The following GPR84 variants were observed in gnomAD, a reference collection of about 807,000 sequenced individuals.
GPR84 encodes the protein G protein-coupled receptor 84.
GPR84 carries 8 observed loss-of-function variants against 14.9 expected under a neutral mutation model. The ratio of observed to expected loss-of-function variants is 0.54; its 90% CI spans 0.31 to 0.97. The LOEUF is 0.97. GPR84 is among the 50% of genes least tolerant of loss of function. GPR84 has a pLI of 0.04. For synonymous variants in GPR84, 164 were observed against 198.1 expected (o/e 0.83, Z 1.45); for missense variants, 424 against 498.7 (o/e 0.85, Z 1.43).
chr12:54,363,720 G>A lies in GPR84; in HGVS notation c.132C>T (p.Ala44=). 1 of 1,614,048 alleles carries A rather than the reference G, an allele frequency of 6.2e-7. No homozygotes were observed. The highest frequency in any genetic ancestry group is 8.5e-7 in the Non-Finnish European group (1 of 1,179,984). Residue 44 remains alanine (A), a synonymous_variant, in exon 2 of 2, where the codon GCC becomes GCT. Coordinates refer to ENST00000267015, the MANE Select transcript of GPR84 (RefSeq NM_020370.3). ...TACGGAGCTTGGGCTGGATGGCCAAGGCCAGTAGGGTGAGCACATTGCCCA... is the reference window on the plus strand; with the variant it reads ...TACGGAGCTTGGGCTGGATGGCCAAAGCCAGTAGGGTGAGCACATTGCCCA... ...GTVGNVLTLL[A]LAIQPKLRTR...
At chr12:54,361,924 C>T (rs1251814202), downstream of GPR84, among the ~76,000 whole-genome samples, 1 of 152,242 alleles carries the variant, frequency 6.6e-6, no homozygotes, top group South Asian at 2.1e-4. This position sits in a 1 kb window ranked among gnomAD's most constrained non-coding sequence, Gnocchi z 4.3. Context: ...CTTTTTCTGC[C>T]TTTGCCTTAA....
At chr12:54,360,108 G>GA (rs1279118780), downstream of GPR84, among the ~76,000 whole-genome samples, 2 of 152,080 alleles carry the variant, frequency 1.3e-5, no homozygotes, top group Non-Finnish European at 2.9e-5. Flanking sequence ...TAGAAGGTCT[G>GA]AATAGGAAGG....
downstream of GPR84, among the ~76,000 whole-genome samples, chr12:54,358,762 C>T (rs1203594381): frequency 2.0e-5 from 3 of 151,888 alleles, no homozygotes; most frequent in African/African-American, 7.3e-5. Context: ...AATTACCCAA[C>T]CCCCCATTTA....
At chr12:54,350,774 T>A in the GPR84 span, 4 of 561,920 alleles carry the variant, frequency 7.1e-6, no homozygotes, top group African/African-American at 7.5e-5. Context: ...GCACCCTCTT[T>A]CTTTCTAGAC....
chr12:54,361,107 A>C (rs1954263744), downstream of GPR84, among the ~76,000 whole-genome samples: 1 of 152,150 alleles, frequency 6.6e-6, no homozygotes, highest in African/African-American at 2.4e-5. The surrounding 1 kb of genome is among the most constrained non-coding windows in gnomAD (Gnocchi z 4.3). Context: ...TCTGGAGGGA[A>C]GGAATGGTAT....
the GPR84 span, among the ~76,000 whole-genome samples, chr12:54,352,953 C>G: frequency 1.4e-3 from 212 of 152,324 alleles, 1 homozygote; most frequent in African/African-American, 5.0e-3. Context: ...ACATCCTAAT[C>G]TTCCTACTCA....
chr12:54,359,660 T>C (rs1954249669), downstream of GPR84, among the ~76,000 whole-genome samples: 1 of 151,984 alleles, frequency 6.6e-6, no homozygotes, highest in South Asian at 2.1e-4. Context: ...CTCGTGAGCA[T>C]AAAGGGCCTC....
At chr12:54,352,186 T>C in the GPR84 span, among the ~76,000 whole-genome samples, 1 of 152,184 alleles carries the variant, frequency 6.6e-6, no homozygotes, top group African/African-American at 2.4e-5. Flanking sequence ...GGGGCTCTTC[T>C]CCAGCCCTTG....
Position 54,363,561 on chromosome 12 carries a change from C to A in GPR84, c.291G>T (p.Gly97=). The A allele has an allele frequency of 6.2e-7, 1 of 1,614,038 alleles. No homozygotes were observed. The highest frequency in any genetic ancestry group is 8.5e-7 in the Non-Finnish European group (1 of 1,179,996). The change falls in exon 2 of 2, where the codon GGG becomes GGT. Residue 97 remains glycine, a synonymous_variant. Transcript: ENST00000267015. The part of the protein sequence containing the change: ...RTGATFCRVF[G]LLLFASNSVS... ...CAGAATTGGAGGCAAAAAGGAGGAGCCCAAATACCCTGCAGAAGGTGGCAC... is the reference window on the plus strand; with the variant it reads ...CAGAATTGGAGGCAAAAAGGAGGAGACCAAATACCCTGCAGAAGGTGGCAC...
At chr12:54,355,196 A>C in the GPR84 span, among the ~76,000 whole-genome samples, 1 of 152,164 alleles carries the variant, frequency 6.6e-6, no homozygotes, top group Non-Finnish European at 1.5e-5. Flanking sequence ...GGAAGGCAAG[A>C]CTGGGAGCAG....
intron 1 of GPR84, 152 bp from the exon 2 acceptor site, chr12:54,364,011 T>A: frequency 1.9e-6 from 1 of 532,538 alleles, no homozygotes. Flanking sequence ...GGCCTCTTCA[T>A]CTCAAGATCC....
chr12:54,363,385 C>T lies in GPR84; in HGVS notation c.467G>A (p.Trp156Ter). ...VVGVASFAPLWPIYILVPVVC... is the reference protein window; with the variant it reads ...VVGVASFAPL ...TACAGGTACCAGGATATAAATAGGC[C>T]AGAGGGGAGCAAAGCTGGCCACGCC... is the stretch of plus-strand genomic sequence containing the variant. The change falls in exon 2 of 2, where the codon TGG becomes TAG. Residue 156 changes from tryptophan to a stop codon, truncating the protein, a stop_gained. Coordinates refer to ENST00000267015, the MANE Select transcript of GPR84 (RefSeq NM_020370.3). LOFTEE classifies it high-confidence loss of function. 1 of 1,614,000 alleles carries T rather than the reference C, an allele frequency of 6.2e-7. No homozygotes were observed. The highest frequency in any genetic ancestry group is 1.6e-4 in the Middle Eastern group (1 of 6,062).
At chr12:54,360,886 T>C (rs2137127877), downstream of GPR84, among the ~76,000 whole-genome samples, 1 of 152,318 alleles carries the variant, frequency 6.6e-6, no homozygotes, top group Non-Finnish European at 1.5e-5. Context: ...AAATGTCTCA[T>C]TCTTCACTTT....
At chr12:54,354,691 C>T in the GPR84 span, among the ~76,000 whole-genome samples, 4 of 151,416 alleles carry the variant, frequency 2.6e-5, no homozygotes, top group East Asian at 1.9e-4. Flanking sequence ...GTGATCCGCC[C>T]GCCTCGGCCT....
At chr12:54,359,931 T>TA (rs1491206961), downstream of GPR84, among the ~76,000 whole-genome samples, 3 of 135,570 alleles carry the variant, frequency 2.2e-5, no homozygotes, top group African/African-American at 1.0e-4. Context: ...GTCTCCTGAG[T>TA]TTTTTTTTTT....
At chr12:54,360,516 ACCTGGACC>A (rs1954258263), downstream of GPR84, among the ~76,000 whole-genome samples, 1 of 152,124 alleles carries the variant, frequency 6.6e-6, no homozygotes, top group Non-Finnish European at 1.5e-5. Context: ...CCAACAGTTT[ACCTGGACC>A]CCTGCCTTAG....
chr12:54,350,975 G>T, the GPR84 span: 1 of 189,148 alleles, frequency 5.3e-6, no homozygotes, highest in Non-Finnish European at 1.1e-5. Flanking sequence ...TAGAACGAGT[G>T]GGGGCGGGGA....
chr12:54,361,284 C>T (rs1052551097), downstream of GPR84, among the ~76,000 whole-genome samples: 5 of 152,174 alleles, frequency 3.3e-5, no homozygotes, highest in African/African-American at 9.6e-5. This position sits in a 1 kb window ranked among gnomAD's most constrained non-coding sequence, Gnocchi z 4.3. Flanking sequence ...TGGGTTCAAG[C>T]GATTCTCCCG....
downstream of GPR84, among the ~76,000 whole-genome samples, chr12:54,360,865 T>C (rs947981127): frequency 6.6e-6 from 1 of 152,092 alleles, no homozygotes; most frequent in Non-Finnish European, 1.5e-5. Context: ...CAGGAATATC[T>C]CATGAATAAT....
Sources: gnomAD v4.1 joint callset for allele counts (sites outside exome capture counted in the v4.1 genomes callset) on GRCh38, gnomAD v4.1.1 for gene constraint, Gnocchi (gnomAD v3.1) non-coding constraint, MANE v1.5 for transcripts, NCBI Gene and HGNC (gene_info 2026-07-23, HGNC 2026-07-21) for gene names.